CYYR1: variants seen among roughly 807,000 people sequenced by gnomAD.
CYYR1 encodes the protein cysteine and tyrosine rich 1.
In CYYR1, 14 loss-of-function variants were observed where a neutral mutation model predicts 15.2. The ratio of observed to expected loss-of-function variants is 0.92; its 90% CI spans 0.61 to 1.44. The LOEUF is 1.44. CYYR1 is among the 40% of genes most tolerant of loss of function. The pLI is 0.00. For synonymous variants in CYYR1, 80 were observed against 77.4 expected (o/e 1.03, Z -0.18); for missense variants, 228 against 209.5 (o/e 1.09, Z -0.54).
intron 2 of CYYR1, chr21:26,552,184 A>G (rs1201717768): frequency 6.6e-6 from 1 of 152,204 alleles, no homozygotes; most frequent in African/African-American, 2.4e-5. Context: ...ACTACAGTAT[A>G]AACAACTTTA....
intron 2 of CYYR1, among the ~76,000 whole-genome samples, chr21:26,562,799 A>AACACACACACACACACACACACACAC (rs57351372): frequency 5.3e-5 from 7 of 132,488 alleles, no homozygotes; most frequent in Non-Finnish European, 9.7e-5. Flanking sequence ...GACATACACA[A>AACACACACACACACACACACACACAC]ACACACACAC....
Position 26,483,989 on chromosome 21 carries a change from T to C in CYYR1, c.177-3560A>G, listed in dbSNP as rs145955757. On this transcript the variant is annotated intron_variant, in intron 2 of 3. Transcript: ENST00000652641. ...ATTCTCAGTGGTACCTGAACACCTA[T>C]CCTATACTTTTCTGAGACTGGCCAT... is the stretch of plus-strand genomic sequence containing the variant. Among the ~76,000 whole-genome samples the C allele has an allele frequency of 2.0e-3, 311 of 152,170 alleles. 1 individual carries two copies. The highest frequency in any genetic ancestry group is 2.1e-3 in the Non-Finnish European group (141 of 68,006).
chr21:26,535,269 T>C (rs1601803405), intron 2 of CYYR1, among the ~76,000 whole-genome samples: 1 of 152,162 alleles, frequency 6.6e-6, no homozygotes, highest in East Asian at 1.9e-4. Flanking sequence ...TTAAAATTAT[T>C]TTAAAAAATT....
chr21:26,536,521 C>T (rs1247716368), intron 2 of CYYR1, among the ~76,000 whole-genome samples: 3 of 152,198 alleles, frequency 2.0e-5, no homozygotes, highest in East Asian at 3.9e-4. Context: ...ATTTTAAACA[C>T]CATTGCCTCC....
At chr21:26,567,094 A>G (rs1367640955) in intron 1 of CYYR1, among the ~76,000 whole-genome samples, 1 of 152,086 alleles carries the variant, frequency 6.6e-6, no homozygotes, top group Non-Finnish European at 1.5e-5. Context: ...TTAGTGGCAT[A>G]TATAATACCA....
chr21:26,514,867 G>C (rs913900091), intron 2 of CYYR1, among the ~76,000 whole-genome samples: 4 of 152,176 alleles, frequency 2.6e-5, no homozygotes, highest in African/African-American at 4.8e-5. Context: ...AGATCTGAAG[G>C]CAGGCCTAAG....
At chr21:26,557,698 C>A (rs1216951679) in intron 2 of CYYR1, among the ~76,000 whole-genome samples, 2 of 152,152 alleles carry the variant, frequency 1.3e-5, no homozygotes, top group African/African-American at 2.4e-5. Flanking sequence ...TTCCCACACA[C>A]CTTTCAACCC....
Position 26,520,111 on chromosome 21 carries a change from GAGATATATATAT to G in CYYR1, c.177-39694_177-39683del, listed in dbSNP as rs1265405972. ...TTTCTTCTTCTAAAAAAAAACCCAG[GAGATATATATAT>G]ATATATATATATATATATGCAGAAA... On this transcript the variant is annotated intron_variant, in intron 2 of 3. Transcript: ENST00000652641. Among the ~76,000 whole-genome samples the G allele has an allele frequency of 4.3e-3, 360 of 83,146 alleles. 19 individuals are homozygous for G. Among genetic ancestry groups the G allele is most frequent in the Middle Eastern group, 0.024 (4 of 164 alleles). The allele number at this position is 83,146 out of a possible 152,430, so 54.5% of individuals were successfully genotyped here. A position where few individuals can be genotyped will look rare whatever the true frequency, so the allele number is the denominator to read the frequency against.
intron 2 of CYYR1, among the ~76,000 whole-genome samples, chr21:26,543,824 T>C (rs1327435776): frequency 6.6e-6 from 1 of 152,114 alleles, no homozygotes; most frequent in African/African-American, 2.4e-5. Flanking sequence ...GAGAATTGCT[T>C]GAACCCGGGA....
At chr21:26,507,079 A>G (rs929679795) in intron 2 of CYYR1, among the ~76,000 whole-genome samples, 2 of 152,208 alleles carry the variant, frequency 1.3e-5, no homozygotes, top group African/African-American at 4.8e-5. Flanking sequence ...TGTGATTTGC[A>G]CTTGAGTATG....
intron 2 of CYYR1, among the ~76,000 whole-genome samples, chr21:26,520,143 C>CATATATATATATATATATATAT (rs2065785736): frequency 1.0e-5 from 1 of 97,262 alleles, no homozygotes; most frequent in African/African-American, 4.3e-5. Flanking sequence ...TATATATATG[C>CATATATATATATATATATATAT]AGAAAGTGCA....
At chr21:26,539,868 A>G (rs1186769840) in intron 2 of CYYR1, among the ~76,000 whole-genome samples, 1 of 152,208 alleles carries the variant, frequency 6.6e-6, no homozygotes, top group Non-Finnish European at 1.5e-5. Context: ...ATTTAACCAG[A>G]AGCTTTGATG....
chr21:26,573,281 G>C lies in CYYR1; in HGVS notation c.-341C>G. On this transcript the variant is annotated 5_prime_UTR_variant, in exon 1 of 4. Coordinates refer to ENST00000652641, the MANE Select transcript of CYYR1 (RefSeq NM_001320768.2). ...ACATTTCATCTCCGCGGGTGGCAAC[G>C]ACTGCGGGCAGGGGGCGGGGGTGGC... The C allele has an allele frequency of 7.7e-7, 1 of 1,296,652 alleles. No homozygotes were observed. The highest frequency in any genetic ancestry group is 1.0e-6 in the Non-Finnish European group (1 of 1,004,862). 80.3% of individuals were successfully genotyped at this position (1,296,652 alleles called of 1,614,324 possible).
chr21:26,490,080 G>A (rs534380533), intron 2 of CYYR1, among the ~76,000 whole-genome samples: 1 of 152,126 alleles, frequency 6.6e-6, no homozygotes, highest in East Asian at 1.9e-4. Context: ...GAGGAGTGCT[G>A]ATCCCTTGAG....
chr21:26,535,495 G>A (rs2065983395), intron 2 of CYYR1, among the ~76,000 whole-genome samples: 1 of 152,150 alleles, frequency 6.6e-6, no homozygotes, highest in African/African-American at 2.4e-5. Flanking sequence ...ATAAACAACA[G>A]TACTAATAAA....
At chr21:26,569,367 T>TA (rs1295220673) in intron 1 of CYYR1, 2 of 152,218 alleles carry the variant, frequency 1.3e-5, no homozygotes, top group Non-Finnish European at 2.9e-5. Flanking sequence ...TGTTCTCACT[T>TA]ACAAGTGGGA....
intron 2 of CYYR1, among the ~76,000 whole-genome samples, chr21:26,511,696 T>C (rs1304346575): frequency 6.6e-6 from 1 of 152,192 alleles, no homozygotes; most frequent in African/African-American, 2.4e-5. Flanking sequence ...TTTTATTTCT[T>C]GAAAATTTAT....
chr21:26,569,420 G>A lies in CYYR1; in HGVS notation c.74-3052C>T, dbSNP rs117874472. 7.9e-5 allele frequency among the ~76,000 whole-genome samples: 12 copies of A among 152,256 alleles called. No individual in the cohort carries two copies. In the East Asian group the frequency reaches 2.3e-3, roughly 29 times the overall value. ...CACGGACATAAAGATGGCAACAACA[G>A]ATGCTGGGGACTTCTAGAGCAGGGA... On this transcript the variant is annotated intron_variant, in intron 1 of 3. Coordinates refer to ENST00000652641, the MANE Select transcript of CYYR1 (RefSeq NM_001320768.2).
At chr21:26,538,610 T>G (rs530111420) in intron 2 of CYYR1, among the ~76,000 whole-genome samples, 2 of 152,332 alleles carry the variant, frequency 1.3e-5, no homozygotes, top group Non-Finnish European at 2.9e-5. Context: ...AATAGAGGCT[T>G]TCATCAAATA....
Sources: gnomAD v4.1 joint callset for allele counts (sites outside exome capture counted in the v4.1 genomes callset) on GRCh38, gnomAD v4.1.1 for gene constraint, MANE v1.5 for transcripts, NCBI Gene and HGNC (gene_info 2026-07-23, HGNC 2026-07-21) for gene names.